Variants in RFTN1 observed in about 807,000 individuals in gnomAD.
RFTN1 encodes the protein raftlin.
In RFTN1, 26 loss-of-function variants were observed where a neutral mutation model predicts 46.5. That is an observed-to-expected ratio of 0.56 (90% CI 0.41 to 0.78). The LOEUF is 0.78. Ranked by LOEUF, RFTN1 falls within the 30% of genes least tolerant of loss-of-function variation. The pLI is 0.00. For missense variants in RFTN1, 693 were observed against 718.7 expected (o/e 0.96, Z 0.41); for synonymous variants, 261 against 284.2 (o/e 0.92, Z 0.82).
intron 7 of RFTN1, chr3:16,347,774 T>C (rs2071832230): frequency 6.6e-6 from 1 of 152,236 alleles, no homozygotes; most frequent in Non-Finnish European, 1.5e-5. Flanking sequence ...AAAATTATTA[T>C]AAAGCCTCCA....
At position 16,348,244 on chromosome 3, in the gene RFTN1, C is replaced by T. The variant is rs192825770; in HGVS notation, c.1146+9688G>A. Reference sequence around the variant, plus strand: ...GAAAGCATGATGGTAAAAAGGAAGCCGAGGCATCTAGATCACTGACATTAT... The same window carrying T: ...GAAAGCATGATGGTAAAAAGGAAGCTGAGGCATCTAGATCACTGACATTAT... On this transcript the variant is annotated intron_variant, in intron 7 of 9. Transcript: ENST00000334133. The surrounding 1 kb of genome is among the most constrained non-coding windows in gnomAD (Gnocchi z 6.3). Among the ~76,000 whole-genome samples the T allele has an allele frequency of 2.6e-5, 4 of 152,004 alleles. No homozygotes were observed. Among genetic ancestry groups the T allele is most frequent in the African/African-American group, 9.6e-5 (4 of 41,452 alleles).
chr3:16,406,152 G>T (rs568962674), intron 4 of RFTN1, among the ~76,000 whole-genome samples: 1 of 152,272 alleles, frequency 6.6e-6, no homozygotes, highest in African/African-American at 2.4e-5. Flanking sequence ...GAATAGCCAC[G>T]GGTGTTGGAG....
At position 16,320,313 on chromosome 3, in the gene RFTN1, A is replaced by C. The variant is rs984048868; in HGVS notation, c.1332+3063T>G. 6.6e-6 allele frequency among the ~76,000 whole-genome samples: 1 copy of C among 152,188 alleles called. No individual in the cohort carries two copies. Among genetic ancestry groups the C allele is most frequent in the Admixed American group, 6.5e-5 (1 of 15,282 alleles). On this transcript the variant is annotated intron_variant, in intron 9 of 9. Transcript: ENST00000334133. This position sits in a 1 kb window ranked among gnomAD's most constrained non-coding sequence, Gnocchi z 4.5. ...TGAAAAGTCCTGATTAGAAAAATCT[A>C]TCCATGTTGCTGATTAAAAGAAGAC...
Position 16,489,282 on chromosome 3 carries a change from G to C in RFTN1, c.145+4443C>G, listed in dbSNP as rs929868749. Among the ~76,000 whole-genome samples, 2 of 152,116 alleles carry C rather than the reference G, an allele frequency of 1.3e-5. No homozygotes were observed. The highest frequency in any genetic ancestry group is 4.8e-5 in the African/African-American group (2 of 41,410). ...AAAATAAAAAAATTAGCTGGGCATG[G>C]TGGCGGGCACCTGTAATCCCAACTA... On this transcript the variant is annotated intron_variant, in intron 2 of 9. Coordinates refer to ENST00000334133, the MANE Select transcript of RFTN1 (RefSeq NM_015150.2). The surrounding 1 kb of genome is among the most constrained non-coding windows in gnomAD (Gnocchi z 4.0).
At chr3:16,482,948 T>A in intron 2 of RFTN1, 4 of 864,222 alleles carry the variant, frequency 4.6e-6, no homozygotes, top group Non-Finnish European at 5.4e-6. Flanking sequence ...TGGGGCCTCT[T>A]GCAGCAGTAT....
rs1175864875 is a variant in RFTN1 at position 16,335,096 on chromosome 3, C to T, written c.1147-8220G>A. ...TAATACTCATTTCAGACTTCTGACT[C>T]AACAAATGTAAGACAATAAACTTGC... is the stretch of plus-strand genomic sequence containing the variant. On this transcript the variant is annotated intron_variant, in intron 7 of 9. Coordinates refer to ENST00000334133, the MANE Select transcript of RFTN1 (RefSeq NM_015150.2). The surrounding 1 kb of genome is among the most constrained non-coding windows in gnomAD (Gnocchi z 4.7). Among the ~76,000 whole-genome samples, 1 of 152,230 alleles carries T rather than the reference C, an allele frequency of 6.6e-6. No homozygotes were observed. Among genetic ancestry groups the T allele is most frequent in the African/African-American group, 2.4e-5 (1 of 41,466 alleles).
At position 16,317,421 on chromosome 3, in the gene RFTN1, T is replaced by C. The variant is rs928835425; in HGVS notation, c.1333-189A>G. 2.0e-5 allele frequency among the ~76,000 whole-genome samples: 3 copies of C among 152,022 alleles called. No homozygotes were observed. The highest frequency in any genetic ancestry group is 7.2e-5 in the African/African-American group (3 of 41,384). On this transcript the variant is annotated intron_variant, in intron 9 of 9. Coordinates refer to ENST00000334133, the MANE Select transcript of RFTN1 (RefSeq NM_015150.2). This position sits in a 1 kb window ranked among gnomAD's most constrained non-coding sequence, Gnocchi z 4.3. Reference sequence around the variant, plus strand: ...TCACATCACACCCACCCCAAGAGCCTGCACCACACCTTCCAGGATGTGTAT... The same window carrying C: ...TCACATCACACCCACCCCAAGAGCCCGCACCACACCTTCCAGGATGTGTAT...
chr3:16,415,835 G>A (rs1021021613), intron 3 of RFTN1, among the ~76,000 whole-genome samples: 1 of 152,094 alleles, frequency 6.6e-6, no homozygotes, highest in Non-Finnish European at 1.5e-5. Flanking sequence ...TTATCCTCTT[G>A]AAATCCCAAG....
chr3:16,375,172 T>C (rs1246597838), intron 5 of RFTN1, among the ~76,000 whole-genome samples: 1 of 151,836 alleles, frequency 6.6e-6, no homozygotes, highest in Non-Finnish European at 1.5e-5. Flanking sequence ...GAAGGCAAGC[T>C]GGGAGCTGAG....
intron 4 of RFTN1, among the ~76,000 whole-genome samples, chr3:16,394,120 A>T (rs115020376): frequency 0.01 from 1,540 of 152,242 alleles, 33 homozygotes; most frequent in African/African-American, 0.035. Flanking sequence ...TAATCCCAGT[A>T]CTTTGGGAGG....
At chr3:16,403,437 GC>G in intron 4 of RFTN1, among the ~76,000 whole-genome samples, 1 of 149,660 alleles carries the variant, frequency 6.7e-6, no homozygotes, top group Non-Finnish European at 1.5e-5. Flanking sequence ...GAGCACTTCA[GC>G]ATAAGGTTTG....
Position 16,504,896 on chromosome 3 carries a change from C to T in RFTN1, c.-9+8546G>A, listed in dbSNP as rs1011268811. 1.3e-5 allele frequency among the ~76,000 whole-genome samples: 2 copies of T among 152,170 alleles called. No homozygotes were observed. The highest frequency in any genetic ancestry group is 4.8e-5 in the African/African-American group (2 of 41,430). On this transcript the variant is annotated intron_variant, in intron 1 of 9. Coordinates refer to ENST00000334133, the MANE Select transcript of RFTN1 (RefSeq NM_015150.2). This position sits in a 1 kb window ranked among gnomAD's most constrained non-coding sequence, Gnocchi z 4.4. The stretch of plus-strand genomic sequence containing the variant: ...CACCTTGCCCAACAAGCTTGCTCTT[C>T]CTCCTGCATTTCTCGTCTCTGGGTG...
At chr3:16,470,989 T>C (rs2076185173) in intron 2 of RFTN1, among the ~76,000 whole-genome samples, 1 of 152,116 alleles carries the variant, frequency 6.6e-6, no homozygotes, top group South Asian at 2.1e-4. Flanking sequence ...AAAGGTAAAA[T>C]ATGCAAGCAA....
chr3:16,477,839 C>T (rs751812363), intron 2 of RFTN1, among the ~76,000 whole-genome samples: 2 of 152,192 alleles, frequency 1.3e-5, no homozygotes, highest in Non-Finnish European at 2.9e-5. Flanking sequence ...TACAACCAGG[C>T]TGATGAATAA....
rs538829457 is a variant in RFTN1 at position 16,451,620 on chromosome 3, T to A, written c.146-17583A>T. Among the ~76,000 whole-genome samples the A allele has an allele frequency of 4.6e-5, 7 of 152,206 alleles. No homozygotes were observed. Among genetic ancestry groups the A allele is most frequent in the Non-Finnish European group, 1.0e-4 (7 of 68,028 alleles). On this transcript the variant is annotated intron_variant, in intron 2 of 9. Transcript: ENST00000334133. The surrounding 1 kb of genome is among the most constrained non-coding windows in gnomAD (Gnocchi z 4.2). ...GCTGCCAATCAGAGCACATTTCTCT[T>A]CGTGTCTTCCACCTAAAAATTTAAT... is the stretch of plus-strand genomic sequence containing the variant.
Position 16,466,376 on chromosome 3 carries a change from C to A in RFTN1, c.145+27349G>T, listed in dbSNP as rs1412196223. Reference sequence around the variant, plus strand: ...CTATGAAATCTCTGTTGTTATTTACCTATGATAGTAAAAATATTGCAAAAA... The same window carrying A: ...CTATGAAATCTCTGTTGTTATTTACATATGATAGTAAAAATATTGCAAAAA... On this transcript the variant is annotated intron_variant, in intron 2 of 9. Coordinates refer to ENST00000334133, the MANE Select transcript of RFTN1 (RefSeq NM_015150.2). This position sits in a 1 kb window ranked among gnomAD's most constrained non-coding sequence, Gnocchi z 5.6. 6.6e-6 allele frequency among the ~76,000 whole-genome samples: 1 copy of A among 152,108 alleles called. No individual in the cohort carries two copies. Among genetic ancestry groups the A allele is most frequent in the Non-Finnish European group, 1.5e-5 (1 of 68,000 alleles).
At chr3:16,435,399 T>C (rs1169637716) in intron 2 of RFTN1, among the ~76,000 whole-genome samples, 2 of 151,636 alleles carry the variant, frequency 1.3e-5, no homozygotes, top group Non-Finnish European at 2.9e-5. Context: ...TGAAACCCCA[T>C]CTCTGCTAAA....
At chr3:16,491,225 G>T (rs1165433533) in intron 2 of RFTN1, among the ~76,000 whole-genome samples, 2 of 152,096 alleles carry the variant, frequency 1.3e-5, no homozygotes, top group Non-Finnish European at 2.9e-5. Flanking sequence ...TGAGCAGGGG[G>T]ATCCTGGGGG....
At chr3:16,496,558 G>C (rs925276883) in intron 1 of RFTN1, among the ~76,000 whole-genome samples, 3 of 152,186 alleles carry the variant, frequency 2.0e-5, no homozygotes, top group Non-Finnish European at 2.9e-5. Flanking sequence ...AGAATAGCTC[G>C]ACATTTTAAA....
Sources: allele counts gnomAD v4.1 joint callset (sites outside exome capture counted in the v4.1 genomes callset), GRCh38; gene constraint gnomAD v4.1.1; non-coding constraint Gnocchi (gnomAD v3.1); transcripts MANE v1.5; gene names NCBI Gene and HGNC (gene_info 2026-07-23, HGNC 2026-07-21).